Variants in YAF2 observed in about 807,000 individuals in gnomAD.
YAF2 encodes YY1-associated factor 2.
Under a neutral mutation model 20.1 loss-of-function variants are expected in YAF2, and 7 were observed. The observed-to-expected ratio is 0.35, with a 90% CI of 0.20 to 0.65. YAF2 has a LOEUF of 0.65. Ranked by LOEUF, YAF2 falls within the 30% of genes least tolerant of loss-of-function variation. YAF2 has a pLI of 0.69. For synonymous variants in YAF2, 74 were observed against 76.0 expected, an observed-to-expected ratio of 0.97 and a Z score of 0.14; for missense variants, 151 against 219.2, an observed-to-expected ratio of 0.69 and a Z score of 1.96.
chr12:42,158,707 T>C lies in YAF2; in HGVS notation c.*1882A>G, dbSNP rs2065745470. 6.6e-6 allele frequency: 1 copy of C among 152,220 alleles called. No individual in the cohort carries two copies. Among genetic ancestry groups the C allele is most frequent in the Non-Finnish European group, 1.5e-5 (1 of 68,030 alleles). 9.4% of individuals were successfully genotyped at this position (152,220 alleles called of 1,614,324 possible). On this transcript the variant is annotated 3_prime_UTR_variant, in exon 4 of 4. Transcript: ENST00000534854. ...GTATCTTCCCACCTATGTAGAAATA[T>C]GAGTATGCTCCATTCAGGTAAAATC...
chr12:42,185,892 T>C (rs1232446162), intron 2 of YAF2, among the ~76,000 whole-genome samples: 2 of 152,208 alleles, frequency 1.3e-5, no homozygotes, highest in East Asian at 3.8e-4. Context: ...AATAAATTTA[T>C]TTTTTAATTT....
chr12:42,159,343 G>C lies in YAF2; in HGVS notation c.*1246C>G, dbSNP rs1452550596. On this transcript the variant is annotated 3_prime_UTR_variant, in exon 4 of 4. Transcript: ENST00000534854. Reference sequence around the variant, plus strand: ...TTAAGCAAATGGTTAAGAGAAAGCAGGAGACCCCAGGAGAATTTAAGTACT... The same window carrying C: ...TTAAGCAAATGGTTAAGAGAAAGCACGAGACCCCAGGAGAATTTAAGTACT... The C allele has an allele frequency of 6.6e-6, 1 of 152,054 alleles. No homozygotes were observed. The highest frequency in any genetic ancestry group is 1.5e-5 in the Non-Finnish European group (1 of 67,962). 9.4% of individuals were successfully genotyped at this position (152,054 alleles called of 1,614,324 possible). A position where few individuals can be genotyped will look rare whatever the true frequency, so the allele number is the denominator to read the frequency against.
chr12:42,190,233 A>G (rs942057336), intron 2 of YAF2, among the ~76,000 whole-genome samples: 1 of 152,140 alleles, frequency 6.6e-6, no homozygotes, highest in Admixed American at 6.6e-5. Flanking sequence ...AGTCCTAGAT[A>G]CTTTGGAAGT....
At position 42,165,773 on chromosome 12, in the gene YAF2, GTT is replaced by G. The variant is rs71084620; in HGVS notation, c.153-4010_153-4009del. Among the ~76,000 whole-genome samples the G allele has an allele frequency of 2.1e-3, 247 of 116,068 alleles. 1 individual carries two copies. The highest frequency in any genetic ancestry group is 0.011 in the Middle Eastern group (2 of 180). 76.1% of individuals were successfully genotyped at this position (116,068 alleles called of 152,430 possible). The stretch of plus-strand genomic sequence containing the variant: ...GATGTGAGCTGCTGCGCCCGGCCAG[GTT>G]TTTTTTTTTTTTTTTTTTTTTAATG... On this transcript the variant is annotated intron_variant, in intron 2 of 3. Transcript: ENST00000534854.
chr12:42,165,178 C>T (rs549867070), intron 2 of YAF2, among the ~76,000 whole-genome samples: 1 of 149,410 alleles, frequency 6.7e-6, no homozygotes, highest in Non-Finnish European at 1.5e-5. Flanking sequence ...ATAGGCCCTG[C>T]CCTCATGCGC....
intron 2 of YAF2, among the ~76,000 whole-genome samples, chr12:42,230,904 C>T (rs1048537197): frequency 1.3e-5 from 2 of 152,102 alleles, no homozygotes; most frequent in Non-Finnish European, 2.9e-5. Flanking sequence ...ACTTTGGAGG[C>T]GACATCAACA....
chr12:42,203,693 T>C (rs557587313), intron 2 of YAF2, among the ~76,000 whole-genome samples: 3 of 152,332 alleles, frequency 2.0e-5, no homozygotes, highest in African/African-American at 7.2e-5. Context: ...AATATTGAAC[T>C]GTCCTAAACT....
At chr12:42,197,339 C>T (rs2066779655) in intron 2 of YAF2, among the ~76,000 whole-genome samples, 1 of 152,212 alleles carries the variant, frequency 6.6e-6, no homozygotes, top group South Asian at 2.1e-4. Context: ...TATCAGCTTT[C>T]ACCTAGCTAG....
At chr12:42,233,281 T>C in intron 2 of YAF2, 1 of 985,454 alleles carries the variant, frequency 1.0e-6, no homozygotes, top group Non-Finnish European at 1.2e-6. Context: ...CATTACCTGT[T>C]ACATTTGAAA....
At chr12:42,233,561 G>A (rs1225274055) in intron 2 of YAF2, 7 of 845,814 alleles carry the variant, frequency 8.3e-6, no homozygotes, top group Non-Finnish European at 1.0e-5. Flanking sequence ...GCCCAGGCTG[G>A]AGTGCAGTGG....
rs527511913 is a variant in YAF2, at chr12:42,214,665, T to A, written c.152+22934A>T. Among the ~76,000 whole-genome samples, 3 of 152,224 alleles carry A rather than the reference T, an allele frequency of 2.0e-5. No individual in the cohort carries two copies. The South Asian group carries it at 6.2e-4, about 32-fold the overall frequency. ...CAAATAATTCCTGTTGTTGCCACACTCTGCAATGATTTTTTTTTGGTATTT... is the reference window on the plus strand; with the variant it reads ...CAAATAATTCCTGTTGTTGCCACACACTGCAATGATTTTTTTTTGGTATTT... On this transcript the variant is annotated intron_variant, in intron 2 of 3. Transcript: ENST00000534854.
At chr12:42,185,343 G>A (rs1232319660) in intron 2 of YAF2, among the ~76,000 whole-genome samples, 3 of 152,220 alleles carry the variant, frequency 2.0e-5, no homozygotes, top group African/African-American at 7.2e-5. Flanking sequence ...TACTCCTGGT[G>A]AAGATGCTGT....
chr12:42,234,254 A>C lies in YAF2; in HGVS notation c.152+3345T>G, dbSNP rs949781908. 1.1e-5 allele frequency: 11 copies of C among 985,372 alleles called. 1 individual carries two copies. Among genetic ancestry groups the C allele is most frequent in the Non-Finnish European group, 1.3e-5 (11 of 830,106 alleles). 61.0% of individuals were successfully genotyped at this position (985,372 alleles called of 1,614,324 possible). A position where few individuals can be genotyped will look rare whatever the true frequency, so the allele number is the denominator to read the frequency against. ...GAAAGAAAAGAAACTTCAGATATAA[A>C]GACTGTGCAGCATCTTGAAAATAAT... is the stretch of plus-strand genomic sequence containing the variant. On this transcript the variant is annotated intron_variant, in intron 2 of 3. Transcript: ENST00000534854.
intron 2 of YAF2, among the ~76,000 whole-genome samples, chr12:42,229,585 C>T (rs1375222190): frequency 1.3e-5 from 2 of 152,162 alleles, no homozygotes; most frequent in Non-Finnish European, 2.9e-5. Context: ...CATATACATA[C>T]AGCCATGCAT....
chr12:42,201,188 A>G (rs181200530), intron 2 of YAF2, among the ~76,000 whole-genome samples: 14 of 152,310 alleles, frequency 9.2e-5, no homozygotes, highest in Admixed American at 8.5e-4. Flanking sequence ...ATGAATATCC[A>G]TGTACATTCC....
chr12:42,194,898 T>C (rs573779673), intron 2 of YAF2, among the ~76,000 whole-genome samples: 112 of 152,204 alleles, frequency 7.4e-4, no homozygotes, highest in Middle Eastern at 3.2e-3. Context: ...TCTCTAATAG[T>C]TCACATGTAA....
At chr12:42,203,789 G>C in intron 2 of YAF2, among the ~76,000 whole-genome samples, 1 of 152,034 alleles carries the variant, frequency 6.6e-6, no homozygotes, top group East Asian at 1.9e-4. Flanking sequence ...TTCCATTCTA[G>C]ATTTAAATGC....
intron 2 of YAF2, among the ~76,000 whole-genome samples, chr12:42,194,537 A>AG (rs2066700612): frequency 6.6e-6 from 1 of 152,170 alleles, no homozygotes; most frequent in South Asian, 2.1e-4. Flanking sequence ...CCAGCTACTT[A>AG]GGAGGTGGAG....
intron 2 of YAF2, chr12:42,237,274 C>G (rs1177037311): frequency 2.3e-6 from 1 of 444,174 alleles, no homozygotes; most frequent in African/African-American, 2.1e-5. Context: ...ACTAACACAA[C>G]AATGCAGCCA....
Sources: allele counts gnomAD v4.1 joint callset (sites outside exome capture counted in the v4.1 genomes callset), GRCh38; gene constraint gnomAD v4.1.1; transcripts MANE v1.5; gene names NCBI Gene and HGNC (gene_info 2026-07-23, HGNC 2026-07-21).